Variants in CYB5RL observed in about 807,000 individuals in gnomAD.
CYB5RL encodes the protein cytochrome b5 reductase like.
Under a neutral mutation model 37.5 loss-of-function variants are expected in CYB5RL, and 38 were observed. The ratio of observed to expected loss-of-function variants is 1.01; its 90% CI spans 0.78 to 1.33. CYB5RL has a LOEUF of 1.33. Among genes scored for constraint, CYB5RL ranks in the 40% most tolerant of loss-of-function variants. CYB5RL has a pLI of 0.00. For missense variants in CYB5RL, 388 were observed against 394.4 expected (o/e 0.98, Z 0.14); for synonymous variants, 141 against 151.9 (o/e 0.93, Z 0.53).
intron 5 of CYB5RL, among the ~76,000 whole-genome samples, chr1:54,187,448 C>T (rs1290857054): frequency 1.3e-5 from 2 of 152,238 alleles, no homozygotes; most frequent in Non-Finnish European, 2.9e-5. Context: ...CATGTCCTAC[C>T]TCTTGCCTAA....
chr1:54,182,403 T>C (rs961579518), intron 6 of CYB5RL, among the ~76,000 whole-genome samples: 1 of 152,128 alleles, frequency 6.6e-6, no homozygotes, highest in African/African-American at 2.4e-5. Flanking sequence ...GGAAGAGGAT[T>C]TGGAAGGATA....
chr1:54,191,636 AT>A (rs1643955168), intron 3 of CYB5RL, among the ~76,000 whole-genome samples: 2 of 152,268 alleles, frequency 1.3e-5, no homozygotes, highest in South Asian at 4.1e-4. Flanking sequence ...GGACCCCTCA[AT>A]CCCAGCTTAG....
At chr1:54,184,674 G>A (rs1660246844) in intron 5 of CYB5RL, 1 of 154,920 alleles carries the variant, frequency 6.5e-6, no homozygotes, top group Non-Finnish European at 1.4e-5. Context: ...TCCTTCTAAG[G>A]AGGGAAGCCA....
chr1:54,191,405 C>T (rs558147371), intron 3 of CYB5RL, among the ~76,000 whole-genome samples: 1 of 152,246 alleles, frequency 6.6e-6, no homozygotes, highest in East Asian at 1.9e-4. Flanking sequence ...AATGTCTAAC[C>T]CAATATCTGT....
rs1226597190 is a variant in CYB5RL at position 54,179,420 on chromosome 1, G to A, written c.541-68C>T. ...GTCTCACCTTATCCCCTCTACTATGGGACTTTTCCTTGAGCTTCCTTCAAC... is the reference window on the plus strand; with the variant it reads ...GTCTCACCTTATCCCCTCTACTATGAGACTTTTCCTTGAGCTTCCTTCAAC... On this transcript the variant is annotated intron_variant, in intron 6 of 7. Coordinates refer to ENST00000534324, the MANE Select transcript of CYB5RL (RefSeq NM_001031672.4). The A allele has an allele frequency of 2.0e-6, 3 of 1,507,864 alleles. No individual in the cohort carries two copies. The Admixed American group carries it at 5.9e-5, about 30-fold the overall frequency. The allele number at this position is 1,507,864 out of a possible 1,614,324, so 93.4% of individuals were successfully genotyped here.
rs200641239 is a variant in CYB5RL, at chr1:54,179,230, G to A, written c.663C>T (p.Thr221=). The A allele has an allele frequency of 5.0e-6, 8 of 1,613,798 alleles. 1 individual carries two copies. In the East Asian group the frequency reaches 1.6e-4, roughly 31 times the overall value. Residue 221 remains threonine (T), a synonymous_variant, in exon 7 of 8, where the codon ACC becomes ACT. Coordinates refer to ENST00000534324, the MANE Select transcript of CYB5RL (RefSeq NM_001031672.4). ...AGGTTTTCAGGTAGATGCTCTCAAA[G>A]GTCTTGAAGCAACCGACCAGAGTGA... is the stretch of plus-strand genomic sequence containing the variant. ...TFVTLVGCFK[T]FESIYLKTFL...
chr1:54,179,363 G>A lies in CYB5RL; in HGVS notation c.541-11C>T, dbSNP rs1233646469. 1 of 1,609,370 alleles carries A rather than the reference G, an allele frequency of 6.2e-7. No homozygotes were observed. Among genetic ancestry groups the A allele is most frequent in the Admixed American group, 1.7e-5 (1 of 59,460 alleles). ...GAGGAGCTCACCATACTGGGGAACA[G>A]AAGGGGTATGTATGACAGGTGGGTT... On this transcript the variant is annotated splice_polypyrimidine_tract_variant and intron_variant, in intron 6 of 7. Coordinates refer to ENST00000534324, the MANE Select transcript of CYB5RL (RefSeq NM_001031672.4).
intron 6 of CYB5RL, among the ~76,000 whole-genome samples, chr1:54,181,183 C>A (rs1660149958): frequency 6.6e-6 from 1 of 152,226 alleles, no homozygotes; most frequent in Non-Finnish European, 1.5e-5. Flanking sequence ...TCCTCCCATC[C>A]TAGCTCGGGC....
intron 6 of CYB5RL, among the ~76,000 whole-genome samples, chr1:54,183,526 G>A (rs958221334): frequency 2.6e-5 from 4 of 152,298 alleles, no homozygotes; most frequent in Non-Finnish European, 2.9e-5. Flanking sequence ...AGGAAGCCAT[G>A]GGGCATATTT....
rs1199237472 is a variant in CYB5RL, at chr1:54,174,331, C to G, written c.*288G>C. On this transcript the variant is annotated 3_prime_UTR_variant, in exon 8 of 8. Transcript: ENST00000534324. ...TACTCCTCCTGGGGCTCAGCCTGGA[C>G]TTGGCTTCCTCTGAAGAGTCCTCCC... 2 of 425,584 alleles carry G rather than the reference C, an allele frequency of 4.7e-6. No individual in the cohort carries two copies. The highest frequency in any genetic ancestry group is 2.5e-5 in the South Asian group (1 of 40,250). The allele number at this position is 425,584 out of a possible 1,614,324, so 26.4% of individuals were successfully genotyped here.
intron 3 of CYB5RL, among the ~76,000 whole-genome samples, 174 bp downstream of exon 3, chr1:54,195,245 T>C (rs1643995697): frequency 2.0e-5 from 3 of 152,228 alleles, no homozygotes; most frequent in African/African-American, 7.2e-5. Context: ...ATCACACAGC[T>C]GCTAATAAGT....
At chr1:54,194,026 A>AATAATAATAATG (rs1553178039) in intron 3 of CYB5RL, among the ~76,000 whole-genome samples, 1 of 142,508 alleles carries the variant, frequency 7.0e-6, no homozygotes, top group East Asian at 2.2e-4. Flanking sequence ...TAATAATAAT[A>AATAATAATAATG]ATGATAATAA....
chr1:54,189,338 G>C (rs1296312466), intron 4 of CYB5RL, among the ~76,000 whole-genome samples: 1 of 152,178 alleles, frequency 6.6e-6, no homozygotes, highest in African/African-American at 2.4e-5. Context: ...GTCTCCTCTG[G>C]GAGCCTAGGA....
Position 54,174,114 on chromosome 1 carries a change from T to C in CYB5RL, c.*505A>G, listed in dbSNP as rs567510021. 5.7e-6 allele frequency: 1 copy of C among 176,272 alleles called. No homozygotes were observed. The highest frequency in any genetic ancestry group is 1.3e-4 in the East Asian group (1 of 7,782). The allele number at this position is 176,272 out of a possible 1,614,324, so 10.9% of individuals were successfully genotyped here. On this transcript the variant is annotated 3_prime_UTR_variant, in exon 8 of 8. Coordinates refer to ENST00000534324, the MANE Select transcript of CYB5RL (RefSeq NM_001031672.4). The stretch of plus-strand genomic sequence containing the variant: ...AGTCATAGAACCCAAGACCTTCATG[T>C]GTCAGGCTCATGGCACTGGAGGAAA...
rs898791123 is a variant in CYB5RL at position 54,174,913 on chromosome 1, C to T, written c.745-91G>A. On this transcript the variant is annotated intron_variant, in intron 7 of 7. Transcript: ENST00000534324. ...AGCTCTCCTCTGCAAAATGAGGAAACCAAGGCAGAGGGTGTAGGAAGCCAA... is the reference window on the plus strand; with the variant it reads ...AGCTCTCCTCTGCAAAATGAGGAAATCAAGGCAGAGGGTGTAGGAAGCCAA... 7 of 1,398,648 alleles carry T rather than the reference C, an allele frequency of 5.0e-6. No homozygotes were observed. In the African/African-American group the frequency reaches 8.5e-5, roughly 17 times the overall value. 86.6% of individuals were successfully genotyped at this position (1,398,648 alleles called of 1,614,324 possible).
At chr1:54,176,880 GA>G (rs1660032159) in intron 7 of CYB5RL, among the ~76,000 whole-genome samples, 1 of 152,210 alleles carries the variant, frequency 6.6e-6, no homozygotes, top group African/African-American at 2.4e-5. Context: ...GGGGCTCTAG[GA>G]AAGCTTCCAG....
At chr1:54,187,379 C>T (rs962026100) in intron 5 of CYB5RL, among the ~76,000 whole-genome samples, 4 of 152,204 alleles carry the variant, frequency 2.6e-5, no homozygotes, top group East Asian at 3.8e-4. Flanking sequence ...TCAAATGCCC[C>T]GGTTCTGCCC....
Position 54,187,674 on chromosome 1 carries a change from C to G in CYB5RL, c.413G>C (p.Gly138Ala). The part of the protein sequence containing the change: ...YTPISPANAE[G>A]YFEVLIKCYQ... Reference sequence around the variant, plus strand: ...CACCTTAATTAACACTTCAAAGTATCCTTCTGCGTTGGCAGGGCTGATGGG... The same window carrying G: ...CACCTTAATTAACACTTCAAAGTATGCTTCTGCGTTGGCAGGGCTGATGGG... Residue 138 changes from glycine to alanine, a missense_variant, in exon 5 of 8, where the codon GGA (glycine) becomes GCA (alanine). By Grantham distance (60) the Gly-to-Ala change is moderately conservative. Coordinates refer to ENST00000534324, the MANE Select transcript of CYB5RL (RefSeq NM_001031672.4). 1 of 1,614,004 alleles carries G rather than the reference C, an allele frequency of 6.2e-7. No homozygotes were observed. The highest frequency in any genetic ancestry group is 8.5e-7 in the Non-Finnish European group (1 of 1,179,886).
At chr1:54,179,867 C>A (rs1253327245) in intron 6 of CYB5RL, 2 of 443,458 alleles carry the variant, frequency 4.5e-6, no homozygotes, top group Non-Finnish European at 9.0e-6. Flanking sequence ...CACCTTGGAC[C>A]TCTGAGCTTG....
Sources: gnomAD v4.1 joint callset for allele counts (sites outside exome capture counted in the v4.1 genomes callset) on GRCh38, gnomAD v4.1.1 for gene constraint, MANE v1.5 for transcripts, NCBI Gene and HGNC (gene_info 2026-07-23, HGNC 2026-07-21) for gene names.